Variants in NRXN3 observed in about 807,000 individuals in gnomAD.
NRXN3 encodes the protein neurexin 3.
A neutral mutation model predicts 137.6 loss-of-function variants in NRXN3; 32 were observed. The ratio of observed to expected loss-of-function variants is 0.23; its 90% confidence interval spans 0.18 to 0.31. NRXN3 has a LOEUF of 0.31. Ranked by LOEUF, NRXN3 falls within the 10% of genes least tolerant of loss-of-function variation. NRXN3 has a pLI of 1.00. For synonymous variants in NRXN3, 798 were observed against 784.5 expected (o/e 1.02, Z -0.29); for missense variants, 1,574 against 2,062.5 (o/e 0.76, Z 4.59).
intron 15 of NRXN3, among the ~76,000 whole-genome samples, chr14:79,239,848 C>T (rs2073998759): frequency 6.6e-6 from 1 of 152,108 alleles, no homozygotes; most frequent in African/African-American, 2.4e-5. Context: ...AGAATTTCTG[C>T]CATTTGCAGC....
intron 15 of NRXN3, among the ~76,000 whole-genome samples, chr14:79,375,665 G>C (rs957921582): frequency 6.6e-6 from 1 of 152,038 alleles, no homozygotes; most frequent in Non-Finnish European, 1.5e-5. Flanking sequence ...TAAATATTAA[G>C]ATTAGATTAG....
intron 8 of NRXN3, among the ~76,000 whole-genome samples, chr14:78,769,063 A>G (rs113893034): frequency 5.3e-5 from 8 of 152,290 alleles, no homozygotes; most frequent in South Asian, 2.1e-4. Context: ...TTTCTTTGGC[A>G]GTCAGTCCCC....
At chr14:78,308,770 C>A (rs574819560) in intron 4 of NRXN3, among the ~76,000 whole-genome samples, 1 of 152,102 alleles carries the variant, frequency 6.6e-6, no homozygotes, top group African/African-American at 2.4e-5. Context: ...TTATACTTCT[C>A]TCCAAATAAA....
chr14:78,966,272 C>T lies in NRXN3; in HGVS notation c.2643C>T (p.Tyr881=), dbSNP rs767707612. The T allele has an allele frequency of 1.2e-6, 2 of 1,614,198 alleles. No homozygotes were observed. Among genetic ancestry groups the T allele is most frequent in the Admixed American group, 1.7e-5 (1 of 60,026 alleles). Residue 881 remains tyrosine (Y), a synonymous_variant, in exon 12 of 21, where the codon TAC becomes TAT. Transcript: ENST00000335750. ...TCACCTTTAAGACCAAGAGCAGCTA[C>T]CTGAGCCTTGCCACTCTTCAGGCTT... is the stretch of plus-strand genomic sequence containing the variant. ...DPVTFKTKSS[Y]LSLATLQAYT... is the part of the protein sequence containing the mutation.
chr14:78,818,619 A>T (rs2098941668), intron 10 of NRXN3, among the ~76,000 whole-genome samples: 1 of 152,116 alleles, frequency 6.6e-6, no homozygotes, highest in African/African-American at 2.4e-5. Flanking sequence ...AAGTAAGGAA[A>T]ATTTCATGAA....
At chr14:78,977,702 A>G (rs771463360) in intron 14 of NRXN3, among the ~76,000 whole-genome samples, 17 of 152,144 alleles carry the variant, frequency 1.1e-4, no homozygotes, top group Non-Finnish European at 1.6e-4. Context: ...TGCTGTGGGT[A>G]AATCACTTTA....
chr14:78,714,312 C>T (rs990954206), intron 7 of NRXN3, among the ~76,000 whole-genome samples: 4 of 152,172 alleles, frequency 2.6e-5, no homozygotes, highest in East Asian at 1.9e-4. Context: ...TATATTCACT[C>T]ATTTAATCAC....
chr14:79,109,562 G>C (rs959983850), intron 15 of NRXN3, among the ~76,000 whole-genome samples: 1 of 152,066 alleles, frequency 6.6e-6, no homozygotes, highest in African/African-American at 2.4e-5. Flanking sequence ...TTCCAGGCTT[G>C]TGGGGATTTG....
intron 16 of NRXN3, among the ~76,000 whole-genome samples, chr14:79,566,086 G>C (rs1013535320): frequency 6.6e-6 from 1 of 152,110 alleles, no homozygotes; most frequent in African/African-American, 2.4e-5. Context: ...GTATGTCCCA[G>C]CTGTGTGGCT....
In NRXN3 at chr14:79,865,669, A is replaced by C. The variant is rs537772851; in HGVS notation, c.*3705A>C. 3.4e-4 allele frequency: 51 copies of C among 152,118 alleles called. No individual in the cohort carries two copies. The highest frequency in any genetic ancestry group is 1.4e-3 in the Admixed American group (21 of 15,276). The allele number at this position is 152,118 out of a possible 1,614,324, so 9.4% of individuals were successfully genotyped here. A position where few individuals can be genotyped will look rare whatever the true frequency, so the allele number is the denominator to read the frequency against. ...ATCATTTTTTGAGATGGAGTCTTGC[A>C]GCCTACAGTGCAGTGGCATGATATT... On this transcript the variant is annotated 3_prime_UTR_variant, in exon 21 of 21. Transcript: ENST00000335750.
chr14:78,526,392 A>G (rs1343622387), intron 4 of NRXN3, among the ~76,000 whole-genome samples: 1 of 152,218 alleles, frequency 6.6e-6, no homozygotes, highest in Non-Finnish European at 1.5e-5. Context: ...TGGCTTTCTC[A>G]TGTCAACATG....
intron 4 of NRXN3, among the ~76,000 whole-genome samples, chr14:78,436,322 T>C (rs1363099139): frequency 6.6e-6 from 1 of 152,222 alleles, no homozygotes; most frequent in African/African-American, 2.4e-5. Flanking sequence ...TGTCACCTAC[T>C]GTATGTCAGG....
chr14:78,201,846 T>A lies in NRXN3; in HGVS notation c.-704+31172T>A, dbSNP rs376188802. Among the ~76,000 whole-genome samples the A allele has an allele frequency of 1.8e-4, 27 of 152,290 alleles. No homozygotes were observed. The East Asian group carries it at 1.9e-3, about 11-fold the overall frequency. On this transcript the variant is annotated intron_variant, in intron 1 of 20. Transcript: ENST00000335750. The stretch of plus-strand genomic sequence containing the variant: ...CGCTCCGACATGCTGTTCTTCCATC[T>A]TCTCCGATGACGCGCGTCTGAAGTG...
rs1374998257 is a variant in NRXN3, at chr14:79,703,077, G to GA, written c.4014+5144dup. Among the ~76,000 whole-genome samples, 7 of 152,218 alleles carry GA rather than the reference G, an allele frequency of 4.6e-5. No homozygotes were observed. The East Asian group carries it at 5.8e-4, about 13-fold the overall frequency. ...GGCAACTGCTGCCTGAAAATTGCCAGAAAATCACAATGCTCAGCATGGATT... is the reference window on the plus strand; with the variant it reads ...GGCAACTGCTGCCTGAAAATTGCCAGAAAAATCACAATGCTCAGCATGGATT... On this transcript the variant is annotated intron_variant, in intron 19 of 20. Coordinates refer to ENST00000335750, the MANE Select transcript of NRXN3 (RefSeq NM_001330195.2).
chr14:79,704,220 C>T (rs1271125965), intron 19 of NRXN3, among the ~76,000 whole-genome samples: 2 of 152,170 alleles, frequency 1.3e-5, no homozygotes, highest in African/African-American at 2.4e-5. Flanking sequence ...AGCAATATCA[C>T]ATGGTTCTAC....
chr14:79,207,492 G>A (rs945864863), intron 15 of NRXN3, among the ~76,000 whole-genome samples: 4 of 152,162 alleles, frequency 2.6e-5, no homozygotes, highest in Non-Finnish European at 4.4e-5. Flanking sequence ...ATTAACAACT[G>A]GTGCAAGGAA....
chr14:79,766,226 C>G (rs899091363), intron 19 of NRXN3, among the ~76,000 whole-genome samples: 2 of 152,042 alleles, frequency 1.3e-5, no homozygotes, highest in African/African-American at 4.8e-5. Context: ...ATGGTGTCCA[C>G]TTCATGCCAT....
At chr14:79,038,169 C>A (rs1158362266) in intron 15 of NRXN3, among the ~76,000 whole-genome samples, 1 of 151,934 alleles carries the variant, frequency 6.6e-6, no homozygotes, top group Admixed American at 6.6e-5. Flanking sequence ...ATACAGGGAA[C>A]ATTACTTACA....
chr14:79,580,807 C>G (rs925493242), intron 16 of NRXN3, among the ~76,000 whole-genome samples: 2 of 152,056 alleles, frequency 1.3e-5, no homozygotes, highest in African/African-American at 4.8e-5. Flanking sequence ...ACAGGAGTCA[C>G]TCTCAGTCAT....
Sources: allele counts gnomAD v4.1 joint callset (sites outside exome capture counted in the v4.1 genomes callset), GRCh38; gene constraint gnomAD v4.1.1; transcripts MANE v1.5; gene names NCBI Gene and HGNC (gene_info 2026-07-23, HGNC 2026-07-21).